The following FAM13C variants were observed in gnomAD, a reference collection of about 807,000 sequenced individuals.
FAM13C encodes the protein family with sequence similarity 13 member C.
FAM13C carries 37 observed loss-of-function variants against 73.2 expected under a neutral mutation model. The ratio of observed to expected loss-of-function variants is 0.51; its 90% CI spans 0.39 to 0.67. The LOEUF is 0.67. Ranked by LOEUF, FAM13C falls within the 30% of genes least tolerant of loss-of-function variation. The pLI is 0.00. For missense variants in FAM13C, 589 were observed against 715.6 expected, an observed-to-expected ratio of 0.82 and a Z score of 2.02; for synonymous variants, 246 against 260.9, an observed-to-expected ratio of 0.94 and a Z score of 0.55.
chr10:59,353,133 A>AGAAGATG (rs775111233), intron 2 of FAM13C, among the ~76,000 whole-genome samples: 4 of 152,224 alleles, frequency 2.6e-5, no homozygotes, highest in Non-Finnish European at 5.9e-5. Context: ...CTGGTTCTGA[A>AGAAGATG]GAAGATGGAA....
At chr10:59,330,899 C>T (rs284631) in intron 3 of FAM13C, among the ~76,000 whole-genome samples, 145,674 of 152,234 alleles carry the variant, frequency 0.96, 69,943 homozygotes, top group East Asian at 1. Flanking sequence ...CCCCGAAATA[C>T]ACCTACCCTG....
At chr10:59,334,715 C>T (rs1474404780) in intron 3 of FAM13C, among the ~76,000 whole-genome samples, 1 of 141,900 alleles carries the variant, frequency 7.0e-6, no homozygotes, top group African/African-American at 2.7e-5. Context: ...ACAATGAGAA[C>T]ACATGGACAC....
At chr10:59,360,496 G>A (rs1564635353) in intron 1 of FAM13C, among the ~76,000 whole-genome samples, 1 of 152,212 alleles carries the variant, frequency 6.6e-6, no homozygotes, top group East Asian at 1.9e-4. Flanking sequence ...TGCTATGTCT[G>A]TGTCTCAGGA....
chr10:59,267,631 G>A (rs995792849), intron 8 of FAM13C, among the ~76,000 whole-genome samples: 4 of 152,124 alleles, frequency 2.6e-5, no homozygotes, highest in African/African-American at 7.2e-5. Context: ...GTGGGAAGCA[G>A]GACAGGAAGA....
At chr10:59,298,081 C>A (rs1287738598) in intron 5 of FAM13C, among the ~76,000 whole-genome samples, 1 of 152,250 alleles carries the variant, frequency 6.6e-6, no homozygotes, top group Admixed American at 6.5e-5. Context: ...GTGCTCAACA[C>A]ATCTCTCTTG....
chr10:59,312,949 A>G (rs909238047), intron 4 of FAM13C, among the ~76,000 whole-genome samples: 3 of 152,008 alleles, frequency 2.0e-5, no homozygotes, highest in African/African-American at 7.2e-5. Context: ...CACTATACTG[A>G]TTTCATCTGT....
intron 5 of FAM13C, among the ~76,000 whole-genome samples, chr10:59,284,114 A>G (rs1845263856): frequency 6.6e-6 from 1 of 151,918 alleles, no homozygotes; most frequent in Non-Finnish European, 1.5e-5. Context: ...GAGGGAGATG[A>G]CCTTGGTCAT....
intron 6 of FAM13C, among the ~76,000 whole-genome samples, chr10:59,270,918 C>T (rs1425673837): frequency 1.3e-5 from 2 of 152,164 alleles, no homozygotes; most frequent in Admixed American, 6.6e-5. Flanking sequence ...CCTGAATTCT[C>T]ACTAGAACCA....
chr10:59,259,469 C>G (rs1402570745), intron 10 of FAM13C, among the ~76,000 whole-genome samples: 1 of 152,126 alleles, frequency 6.6e-6, no homozygotes, highest in African/African-American at 2.4e-5. Flanking sequence ...ACACTAGCTG[C>G]TATGGGAATA....
intron 8 of FAM13C, among the ~76,000 whole-genome samples, chr10:59,265,315 GTTTT>G (rs1213997029): frequency 0.041 from 2,712 of 66,642 alleles, 320 homozygotes; most frequent in African/African-American, 0.14. Context: ...TAGGGAAGGG[GTTTT>G]GGCGGGGGGG....
chr10:59,337,804 C>T lies in FAM13C; in HGVS notation c.325-13698G>A, dbSNP rs371295214. 1.0e-4 allele frequency among the ~76,000 whole-genome samples: 15 copies of T among 150,614 alleles called. No homozygotes were observed. The East Asian group carries it at 1.4e-3, about 14-fold the overall frequency. On this transcript the variant is annotated intron_variant, in intron 3 of 13. Coordinates refer to ENST00000618804, the MANE Select transcript of FAM13C (RefSeq NM_198215.4). ...AAGCAATTCTCCTGCCTCGGCCTCC[C>T]GAGTAGCTGGGATTACAGGCACCTG... is the stretch of plus-strand genomic sequence containing the variant.
In FAM13C at chr10:59,340,650, A is replaced by C. The variant is rs143729480; in HGVS notation, c.324+11620T>G. ...ATAGGGTTTGGTACTTTTTTTCTCTATTTCCATCTTGATGCTTCACATAAA... is the reference window on the plus strand; with the variant it reads ...ATAGGGTTTGGTACTTTTTTTCTCTCTTTCCATCTTGATGCTTCACATAAA... On this transcript the variant is annotated intron_variant, in intron 3 of 13. Coordinates refer to ENST00000618804, the MANE Select transcript of FAM13C (RefSeq NM_198215.4). Among the ~76,000 whole-genome samples the C allele has an allele frequency of 2.6e-5, 4 of 151,904 alleles. No individual in the cohort carries two copies. In the East Asian group the frequency reaches 7.8e-4, roughly 30 times the overall value.
rs532786217 is a variant in FAM13C, at chr10:59,354,745, T to C, written c.119+1142A>G. Among the ~76,000 whole-genome samples, 54 of 152,242 alleles carry C rather than the reference T, an allele frequency of 3.5e-4. 1 individual carries two copies. The South Asian group carries it at 0.011, about 30-fold the overall frequency. The stretch of plus-strand genomic sequence containing the variant: ...AGTTCTTTTTGGTTTCTCTGATGCC[T>C]CCAAGATAATTCTGAACTCCTTAGC... On this transcript the variant is annotated intron_variant, in intron 2 of 13. Transcript: ENST00000618804.
intron 13 of FAM13C, among the ~76,000 whole-genome samples, chr10:59,250,970 G>C (rs1310715241): frequency 6.6e-6 from 1 of 152,030 alleles, no homozygotes; most frequent in African/African-American, 2.4e-5. Context: ...GATTATATAT[G>C]TAATTTTGTT....
chr10:59,361,212 G>GC (rs1221514581), intron 1 of FAM13C: 5 of 592,806 alleles, frequency 8.4e-6, no homozygotes, highest in African/African-American at 2.0e-5. Context: ...AGTCAATCCT[G>GC]TTTTTTTTTT....
At position 59,256,992 on chromosome 10, in the gene FAM13C, A is replaced by G. The variant is rs116822735; in HGVS notation, c.1237-2549T>C. On this transcript the variant is annotated intron_variant, in intron 10 of 13. Coordinates refer to ENST00000618804, the MANE Select transcript of FAM13C (RefSeq NM_198215.4). ...TTTTTCATTTTTGTTTTATGAATGA[A>G]GGAAACAAGGTTTCCTTTATGTTTT... is the stretch of plus-strand genomic sequence containing the variant. Among the ~76,000 whole-genome samples, 381 of 152,286 alleles carry G rather than the reference A, an allele frequency of 2.5e-3. 3 individuals are homozygous for G. The highest frequency in any genetic ancestry group is 8.3e-3 in the African/African-American group (344 of 41,566).
chr10:59,337,838 C>A (rs1170146618), intron 3 of FAM13C, among the ~76,000 whole-genome samples: 2 of 151,890 alleles, frequency 1.3e-5, no homozygotes, highest in Non-Finnish European at 2.9e-5. Context: ...TGCCACCATG[C>A]CTGTCTAATT....
chr10:59,287,791 C>T (rs1051004410), intron 5 of FAM13C, among the ~76,000 whole-genome samples: 4 of 152,240 alleles, frequency 2.6e-5, no homozygotes, highest in African/African-American at 9.6e-5. Flanking sequence ...CACACAAGGA[C>T]TGGATTCTGT....
At chr10:59,318,273 TA>T (rs35327885) in intron 4 of FAM13C, among the ~76,000 whole-genome samples, 73,240 of 151,378 alleles carry the variant, frequency 0.48, 20,022 homozygotes, top group African/African-American at 0.75. Context: ...TAATCTCCTT[TA>T]AAAAAACAAC....
Sources: allele counts gnomAD v4.1 joint callset (sites outside exome capture counted in the v4.1 genomes callset), GRCh38; gene constraint gnomAD v4.1.1; transcripts MANE v1.5; gene names NCBI Gene and HGNC (gene_info 2026-07-23, HGNC 2026-07-21).